IGF2BP2: variants seen among roughly 807,000 people sequenced by gnomAD.
IGF2BP2 encodes the protein insulin-like growth factor 2 mRNA-binding protein 2.
In IGF2BP2, 17 loss-of-function variants were observed where a neutral mutation model predicts 75.8. The ratio of observed to expected loss-of-function variants is 0.22; its 90% CI spans 0.15 to 0.34. The LOEUF (loss-of-function observed/expected upper bound fraction) is 0.34, where lower values mean the gene tolerates loss of function less well. IGF2BP2 is among the 10% of genes least tolerant of loss of function. The probability of loss-of-function intolerance (pLI) is 1.00; values close to 1 mark genes in which losing one functional copy is unlikely to be tolerated. For synonymous variants in IGF2BP2, 288 were observed against 295.6 expected (o/e 0.97, Z 0.26); for missense variants, 516 against 772.4 (o/e 0.67, Z 3.93).
chr3:185,808,118 A>G, intron 2 of IGF2BP2, among the ~76,000 whole-genome samples: 1 of 107,456 alleles, frequency 9.3e-6, no homozygotes, highest in South Asian at 2.8e-4. Flanking sequence ...CGTTTCTTTT[A>G]AAAAAAAAAA....
At chr3:185,741,708 T>C (rs1729576951) in intron 2 of IGF2BP2, among the ~76,000 whole-genome samples, 1 of 152,224 alleles carries the variant, frequency 6.6e-6, no homozygotes, top group Non-Finnish European at 1.5e-5. Context: ...GCTGGCTTCA[T>C]GGGTGAGCTC....
intron 2 of IGF2BP2, among the ~76,000 whole-genome samples, chr3:185,766,345 G>A (rs781589134): frequency 2.6e-5 from 4 of 151,866 alleles, no homozygotes; most frequent in African/African-American, 9.7e-5. Context: ...GATCTAGAAC[G>A]TGGACCAACA....
At chr3:185,784,267 T>TAGACAGACAGACAGACAGACAGACAGAC (rs59726249) in intron 2 of IGF2BP2, among the ~76,000 whole-genome samples, 2 of 151,618 alleles carry the variant, frequency 1.3e-5, no homozygotes, top group African/African-American at 4.9e-5. Context: ...GATAGATAGA[T>TAGACAGACAGACAGACAGACAGACAGAC]AGACAGACAG....
At chr3:185,781,742 T>C (rs556515015) in intron 2 of IGF2BP2, among the ~76,000 whole-genome samples, 176 of 152,256 alleles carry the variant, frequency 1.2e-3, no homozygotes, top group African/African-American at 4.0e-3. Flanking sequence ...TTTGTTTGCT[T>C]TAACATTGTT....
intron 5 of IGF2BP2, 106 bp from the exon 6 acceptor site, chr3:185,689,733 C>T (rs1459982935): frequency 7.8e-7 from 1 of 1,285,412 alleles, no homozygotes; most frequent in Non-Finnish European, 1.1e-6. Context: ...CTTTGGGAGG[C>T]CGAGGCGGGT....
chr3:185,707,676 T>C (rs1272536602), intron 2 of IGF2BP2, among the ~76,000 whole-genome samples: 1 of 152,110 alleles, frequency 6.6e-6, no homozygotes, highest in Non-Finnish European at 1.5e-5. Context: ...TATATAATTA[T>C]TCCAAGAAAC....
In IGF2BP2 at chr3:185,672,547, G is replaced by C. The variant is rs1251866269; in HGVS notation, c.1194C>G (p.Pro398=). The C allele has an allele frequency of 6.2e-6, 10 of 1,612,290 alleles. No homozygotes were observed. Among genetic ancestry groups the C allele is most frequent in the Non-Finnish European group, 8.5e-6 (10 of 1,179,304 alleles). The change falls in exon 10 of 16, where the codon CCC becomes CCG. Residue 398 remains proline (P), a synonymous_variant. Transcript: ENST00000382199. ...CACAAGCTGAGCTACTTACAGTGAA[G>C]GGGTGGTAGGGGGCAGCGGGGGGAG... ...RGAPPAAPYH[P]FTTHSGYFSS... is the part of the protein sequence containing the mutation.
chr3:185,746,027 A>G (rs1479320673), intron 2 of IGF2BP2, among the ~76,000 whole-genome samples: 1 of 152,232 alleles, frequency 6.6e-6, no homozygotes, highest in Non-Finnish European at 1.5e-5. Context: ...CTTCAGATAA[A>G]ACCACAAGTA....
At chr3:185,709,163 G>C (rs1330505793) in intron 2 of IGF2BP2, among the ~76,000 whole-genome samples, 1 of 152,190 alleles carries the variant, frequency 6.6e-6, no homozygotes, top group Admixed American at 6.5e-5. Context: ...ATAAATGTTT[G>C]CTTTGTGTGG....
intron 2 of IGF2BP2, among the ~76,000 whole-genome samples, chr3:185,723,251 CATG>C (rs1321779570): frequency 6.6e-6 from 1 of 152,158 alleles, no homozygotes; most frequent in Non-Finnish European, 1.5e-5. Flanking sequence ...CCTTGGAAAT[CATG>C]ATATTGATTT....
At chr3:185,721,421 C>T (rs1455734012) in intron 2 of IGF2BP2, among the ~76,000 whole-genome samples, 1 of 151,974 alleles carries the variant, frequency 6.6e-6, no homozygotes, top group Non-Finnish European at 1.5e-5. Flanking sequence ...AGGCTGCTCT[C>T]GAACTCCTGA....
Position 185,675,009 on chromosome 3 carries a change from CTTTTTTTT to C in IGF2BP2, c.1071+279_1071+286del, listed in dbSNP as rs777364824. On this transcript the variant is annotated intron_variant, in intron 9 of 15. Transcript: ENST00000382199. ...ACCACACCCAGTTATTCTTGCTTTT[CTTTTTTTT>C]TTTTTTTTTTTTTTTATTCTTGCTT... 120 of 110,022 alleles carry C rather than the reference CTTTTTTTT, an allele frequency of 1.1e-3. 1 individual carries two copies. Among genetic ancestry groups the C allele is most frequent in the Non-Finnish European group, 1.9e-3 (105 of 56,186 alleles). The allele number at this position is 110,022 out of a possible 1,614,324, so 6.8% of individuals were successfully genotyped here. A position where few individuals can be genotyped will look rare whatever the true frequency, so the allele number is the denominator to read the frequency against.
intron 10 of IGF2BP2, among the ~76,000 whole-genome samples, chr3:185,665,409 A>AAGGAG (rs1560251112): frequency 4.0e-5 from 1 of 24,820 alleles, no homozygotes; most frequent in African/African-American, 1.8e-4. Flanking sequence ...AGGAGAAGGA[A>AAGGAG]AAGGAGGAGA....
intron 9 of IGF2BP2, among the ~76,000 whole-genome samples, chr3:185,672,891 A>AT: frequency 6.6e-6 from 1 of 152,216 alleles, no homozygotes; most frequent in East Asian, 1.9e-4. Context: ...ATATCTTGTC[A>AT]TGGAAAATGA....
intron 2 of IGF2BP2, among the ~76,000 whole-genome samples, chr3:185,814,480 T>C (rs1490145035): frequency 6.6e-6 from 1 of 152,194 alleles, no homozygotes; most frequent in East Asian, 1.9e-4. Context: ...AAACACCCTC[T>C]ATTTAATGAA....
chr3:185,757,145 C>T (rs1031747435), intron 2 of IGF2BP2, among the ~76,000 whole-genome samples: 7 of 152,210 alleles, frequency 4.6e-5, no homozygotes, highest in Admixed American at 2.6e-4. Flanking sequence ...GAAACCTTTT[C>T]CTGCACTTTG....
chr3:185,704,719 G>A (rs1311598026), intron 2 of IGF2BP2, among the ~76,000 whole-genome samples: 1 of 152,044 alleles, frequency 6.6e-6, no homozygotes, highest in African/African-American at 2.4e-5. Context: ...CAAAGTGCTG[G>A]GATTACAGGC....
chr3:185,813,793 A>G (rs1740235497), intron 2 of IGF2BP2, among the ~76,000 whole-genome samples: 1 of 152,100 alleles, frequency 6.6e-6, no homozygotes, highest in Admixed American at 6.6e-5. Context: ...AGCTTCCCCA[A>G]CCCTCGGCCA....
At chr3:185,725,264 T>C (rs573915303) in intron 2 of IGF2BP2, among the ~76,000 whole-genome samples, 111 of 152,296 alleles carry the variant, frequency 7.3e-4, no homozygotes, top group African/African-American at 2.6e-3. Flanking sequence ...CAACAGATAA[T>C]CAATATAATT....
Sources: gnomAD v4.1 joint callset for allele counts (sites outside exome capture counted in the v4.1 genomes callset) on GRCh38, gnomAD v4.1.1 for gene constraint, MANE v1.5 for transcripts, NCBI Gene and HGNC (gene_info 2026-07-23, HGNC 2026-07-21) for gene names.